Variants in CERS4 observed in about 807,000 individuals in gnomAD.
The protein encoded by CERS4 is LAG1 homolog, ceramide synthase 4.
In CERS4, 65 loss-of-function variants were observed where a neutral mutation model predicts 51.8. The ratio of observed to expected loss-of-function variants is 1.26; its 90% CI spans 1.03 to 1.54. The LOEUF (loss-of-function observed/expected upper bound fraction) is 1.54, where lower values mean the gene tolerates loss of function less well. Ranked by LOEUF, CERS4 falls within the 40% of genes most tolerant of loss-of-function variation. The probability of loss-of-function intolerance (pLI) is 0.00; values close to 1 mark genes in which losing one functional copy is unlikely to be tolerated. For missense variants in CERS4, 563 were observed against 500.4 expected (o/e 1.13, Z -1.19); for synonymous variants, 228 against 208.4 (o/e 1.09, Z -0.81).
chr19:8,252,021 G>A (rs567532837), intron 3 of CERS4, among the ~76,000 whole-genome samples: 17 of 151,460 alleles, frequency 1.1e-4, no homozygotes, highest in Non-Finnish European at 1.9e-4. Context: ...GAGTCCAGGA[G>A]TTCGAGACCA....
chr19:8,238,724 G>A (rs1476023314), intron 2 of CERS4, among the ~76,000 whole-genome samples: 1 of 152,108 alleles, frequency 6.6e-6, no homozygotes, highest in Non-Finnish European at 1.5e-5. Context: ...AGATGCAATA[G>A]GGGAGGAGGC....
intron 2 of CERS4, among the ~76,000 whole-genome samples, chr19:8,223,074 C>T (rs1716396875): frequency 6.6e-6 from 1 of 152,018 alleles, no homozygotes; most frequent in Admixed American, 6.6e-5. Flanking sequence ...TGGCTCACAT[C>T]TATAGTCCCA....
chr19:8,213,258 A>C (rs1967153831), intron 2 of CERS4, among the ~76,000 whole-genome samples: 1 of 151,916 alleles, frequency 6.6e-6, no homozygotes, highest in African/African-American at 2.4e-5. Flanking sequence ...TATTGAGCTC[A>C]AACGCCTCAG....
intron 8 of CERS4, 101 bp from the exon 9 acceptor site, chr19:8,256,848 G>C: frequency 1.3e-6 from 2 of 1,595,866 alleles, no homozygotes; most frequent in Non-Finnish European, 1.7e-6. Flanking sequence ...TGGGCCCAGA[G>C]GCCACACCAA....
chr19:8,221,784 C>A (rs2026321817), intron 2 of CERS4, among the ~76,000 whole-genome samples: 1 of 151,070 alleles, frequency 6.6e-6, no homozygotes, highest in South Asian at 2.1e-4. Flanking sequence ...CCTCAGCCTA[C>A]CAAAGTGCTG....
chr19:8,250,747 G>A (rs994041498), intron 2 of CERS4: 17 of 974,196 alleles, frequency 1.7e-5, no homozygotes, highest in South Asian at 1.4e-4. Flanking sequence ...GAGCAACTGC[G>A]CCCGGCCTAC....
intron 2 of CERS4, among the ~76,000 whole-genome samples, chr19:8,228,211 T>A: frequency 6.6e-6 from 1 of 152,010 alleles, no homozygotes. Context: ...AGATGACAGG[T>A]GTGAGCCAAC....
chr19:8,230,757 G>A (rs1472855720), intron 2 of CERS4, among the ~76,000 whole-genome samples: 1 of 152,060 alleles, frequency 6.6e-6, no homozygotes, highest in African/African-American at 2.4e-5. Context: ...TCTCCAATGC[G>A]CTATCAAGCC....
In CERS4 at chr19:8,261,806, A is replaced by G. The variant is rs1189523853; in HGVS notation, c.967A>G (p.Ile323Val). Reference sequence around the variant, plus strand: ...GCTGCACGTGTTCTGGTCTTGCCTCATTCTGCGCATGCTCTATAGCTTCAT... The same window carrying G: ...GCTGCACGTGTTCTGGTCTTGCCTCGTTCTGCGCATGCTCTATAGCTTCAT... ...QLLHVFWSCLILRMLYSFMKK... is the reference protein window; with the variant it reads ...QLLHVFWSCLVLRMLYSFMKK... Residue 323 changes from isoleucine (I) to valine (V), a missense_variant, in exon 11 of 12, where the codon ATT becomes GTT. Ile to Val is a conservative substitution (Grantham distance 29). Transcript: ENST00000251363. The G allele has an allele frequency of 1.2e-6, 2 of 1,614,106 alleles. No homozygotes were observed.
chr19:8,226,642 A>G (rs1042589864), intron 2 of CERS4, among the ~76,000 whole-genome samples: 2 of 152,204 alleles, frequency 1.3e-5, no homozygotes, highest in Non-Finnish European at 2.9e-5. Context: ...GTAGTGGCTC[A>G]TGCCTGTAAT....
chr19:8,218,116 C>T (rs1967380734), intron 2 of CERS4, among the ~76,000 whole-genome samples: 1 of 152,150 alleles, frequency 6.6e-6, no homozygotes, highest in Non-Finnish European at 1.5e-5. Flanking sequence ...AGGCACGTGC[C>T]ACCATACCCA....
At chr19:8,234,542 ATTTTTTTTTTT>A (rs35971828) in intron 2 of CERS4, among the ~76,000 whole-genome samples, 741 of 54,208 alleles carry the variant, frequency 0.014, 15 homozygotes, top group African/African-American at 0.049. Context: ...CCACCATTCT[ATTTTTTTTTTT>A]TTTTTTTTTT....
chr19:8,261,803 C>G lies in CERS4; in HGVS notation c.964C>G (p.Leu322Val). ...GCTGCTGCACGTGTTCTGGTCTTGC[C>G]TCATTCTGCGCATGCTCTATAGCTT... ...LQLLHVFWSCLILRMLYSFMK... is the reference protein window; with the variant it reads ...LQLLHVFWSCVILRMLYSFMK... The change falls in exon 11 of 12, where the codon CTC becomes GTC. Residue 322 changes from leucine (L) to valine (V), a missense_variant. By Grantham distance (32) the Leu-to-Val change is conservative. Transcript: ENST00000251363. 6.2e-7 allele frequency: 1 copy of G among 1,614,156 alleles called. No homozygotes were observed. Among genetic ancestry groups the G allele is most frequent in the Non-Finnish European group, 8.5e-7 (1 of 1,180,004 alleles).
intron 2 of CERS4, among the ~76,000 whole-genome samples, chr19:8,215,861 G>A (rs990525676): frequency 4.6e-5 from 7 of 152,144 alleles, no homozygotes; most frequent in Non-Finnish European, 1.0e-4. Flanking sequence ...GCACCCAGAC[G>A]GTAACAGGAC....
intron 2 of CERS4, among the ~76,000 whole-genome samples, chr19:8,249,923 C>A (rs1010006056): frequency 6.6e-6 from 1 of 152,046 alleles, no homozygotes; most frequent in African/African-American, 2.4e-5. Context: ...TCTTTGGGGG[C>A]TGCTTCAGAG....
chr19:8,244,249 G>A (rs1224619514), intron 2 of CERS4, among the ~76,000 whole-genome samples: 4 of 152,260 alleles, frequency 2.6e-5, no homozygotes, highest in East Asian at 1.9e-4. Context: ...CCAGCTACTC[G>A]GGAGGCTGAG....
intron 2 of CERS4, among the ~76,000 whole-genome samples, chr19:8,227,113 A>G (rs997387118): frequency 5.9e-5 from 9 of 151,970 alleles, no homozygotes; most frequent in African/African-American, 2.2e-4. Context: ...GGGCAACAAG[A>G]GCGAAACTGT....
In CERS4 at chr19:8,260,958, A is replaced by AAAAAC. The variant is rs1555781424; in HGVS notation, c.849-726_849-725insCAAAA. 1.2e-4 allele frequency: 4 copies of AAAAAC among 34,556 alleles called. 1 individual carries two copies. Among genetic ancestry groups the AAAAAC allele is most frequent in the Non-Finnish European group, 2.1e-4 (4 of 19,216 alleles). The allele number at this position is 34,556 out of a possible 1,614,324, so 2.1% of individuals were successfully genotyped here. A position where few individuals can be genotyped will look rare whatever the true frequency, so the allele number is the denominator to read the frequency against. ...AGAGCAAGACTCCATCTCAAAAAAA[A>AAAAAC]AAAAAAAAAAAAAAAAAAACAAGAA... is the stretch of plus-strand genomic sequence containing the variant. On this transcript the variant is annotated intron_variant, in intron 10 of 11. Coordinates refer to ENST00000251363, the MANE Select transcript of CERS4 (RefSeq NM_024552.3).
At chr19:8,243,325 C>T (rs1235062607) in intron 2 of CERS4, among the ~76,000 whole-genome samples, 1 of 151,990 alleles carries the variant, frequency 6.6e-6, no homozygotes, top group South Asian at 2.1e-4. Flanking sequence ...CTTGAGCCCC[C>T]ACGGGCACAC....
Sources: allele counts gnomAD v4.1 joint callset (sites outside exome capture counted in the v4.1 genomes callset), GRCh38; gene constraint gnomAD v4.1.1; transcripts MANE v1.5; gene names NCBI Gene and HGNC (gene_info 2026-07-23, HGNC 2026-07-21).